Variants in SLC12A7 observed in about 807,000 individuals in gnomAD.
SLC12A7 encodes K-Cl cotransporter 4.
Under a neutral mutation model 120.6 loss-of-function variants are expected in SLC12A7, and 100 were observed. The observed-to-expected ratio is 0.83, with a 90% CI of 0.71 to 0.98. The LOEUF is 0.98. Ranked by LOEUF, SLC12A7 falls within the 50% of genes least tolerant of loss-of-function variation. SLC12A7 has a pLI of 0.00. For missense variants in SLC12A7, 1,373 were observed against 1,548.1 expected (o/e 0.89, Z 1.90); for synonymous variants, 760 against 678.0 (o/e 1.12, Z -1.88).
chr5:1,117,097 G>A, the SLC12A7 span, among the ~76,000 whole-genome samples: 60 of 152,110 alleles, frequency 3.9e-4, no homozygotes, highest in African/African-American at 1.3e-3. This position sits in a 1 kb window ranked among gnomAD's most constrained non-coding sequence, Gnocchi z 4.5. Context: ...TCAGAGCCGC[G>A]GAGGGTCCTG....
chr5:1,155,158 G>A, the SLC12A7 span, among the ~76,000 whole-genome samples: 1 of 151,398 alleles, frequency 6.6e-6, no homozygotes, highest in Non-Finnish European at 1.5e-5. Flanking sequence ...GTGGTCAGGA[G>A]GACACGGTTC....
chr5:1,079,660 G>T (rs1020858193), intron 9 of SLC12A7, among the ~76,000 whole-genome samples, 164 bp from the exon 10 acceptor site: 1 of 152,174 alleles, frequency 6.6e-6, no homozygotes, highest in African/African-American at 2.4e-5. Context: ...GCAATACTGC[G>T]GCTGAGGGGA....
chr5:1,052,418 A>T lies in SLC12A7; in HGVS notation c.3194T>A (p.Leu1065Gln). The change falls in exon 24 of 24, where the codon CTG (leucine) becomes CAG (glutamine). Residue 1065 changes from leucine (L) to glutamine (Q), a missense_variant. Physicochemically the swap from Leu to Gln is moderately radical, Grantham distance 113. Transcript: ENST00000264930. ...ACCCCTGACCAGGAGGACTCTGTTC[A>T]GCCCCTCGGTCAGGACTTCAAGAAA... Reference protein sequence around the residue: ...MEFLEVLTEGLNRVLLVRGGG... With the variant: ...MEFLEVLTEGQNRVLLVRGGG... 1 of 1,612,946 alleles carries T rather than the reference A, an allele frequency of 6.2e-7. No homozygotes were observed. Among genetic ancestry groups the T allele is most frequent in the Non-Finnish European group, 8.5e-7 (1 of 1,179,986 alleles).
chr5:1,133,960 A>T, the SLC12A7 span, among the ~76,000 whole-genome samples: 1 of 152,102 alleles, frequency 6.6e-6, no homozygotes, highest in Non-Finnish European at 1.5e-5. Flanking sequence ...TCCAGCACGT[A>T]CACCATGGAG....
intron 1 of SLC12A7, among the ~76,000 whole-genome samples, chr5:1,111,574 C>A (rs1404736756): frequency 6.6e-6 from 1 of 152,192 alleles, no homozygotes; most frequent in Non-Finnish European, 1.5e-5. Flanking sequence ...CCTCCGGAGG[C>A]GCGCTCCAGC....
At chr5:1,078,221 G>A (rs1738592775) in intron 11 of SLC12A7, among the ~76,000 whole-genome samples, 1 of 152,156 alleles carries the variant, frequency 6.6e-6, no homozygotes, top group South Asian at 2.1e-4. Context: ...GGGGGAGGGG[G>A]TCCTGCTCAC....
chr5:1,063,953 C>A lies in SLC12A7; in HGVS notation c.2630G>T (p.Arg877Leu). The A allele has an allele frequency of 6.2e-7, 1 of 1,612,560 alleles. No individual in the cohort carries two copies. The highest frequency in any genetic ancestry group is 1.3e-5 in the African/African-American group (1 of 74,950). Residue 877 changes from arginine to leucine, a missense_variant, in exon 20 of 24, where the codon CGT (arginine) becomes CTT (leucine). Physicochemically the swap from Arg to Leu is moderately radical, Grantham distance 102 (BLOSUM62 -2). Coordinates refer to ENST00000264930, the MANE Select transcript of SLC12A7 (RefSeq NM_006598.3). The stretch of plus-strand genomic sequence containing the variant: ...GTCCACCTGGGCCACGGTGAAGATA[C>A]GCATCCGGCACTTCCTCCACACCTG... Reference protein sequence around the residue: ...QHKVWRKCRMRIFTVAQVDDN... With the variant: ...QHKVWRKCRMLIFTVAQVDDN...
At chr5:1,078,078 C>A in intron 11 of SLC12A7, 71 bp from the exon 12 acceptor site, 1 of 1,483,840 alleles carries the variant, frequency 6.7e-7, no homozygotes. Context: ...TGTCTTCTCC[C>A]ACCCAGAGCG....
the SLC12A7 span, among the ~76,000 whole-genome samples, chr5:1,137,845 C>G: frequency 6.6e-6 from 1 of 152,220 alleles, no homozygotes; most frequent in Non-Finnish European, 1.5e-5. Flanking sequence ...GGCACCAGCT[C>G]CCCGGGGCCT....
At chr5:1,078,784 G>C (rs1561065880) in intron 10 of SLC12A7, 26 bp from the exon 11 acceptor site, 7 of 1,546,706 alleles carry the variant, frequency 4.5e-6, no homozygotes, top group Non-Finnish European at 6.2e-6. Flanking sequence ...AGGAAAGGCA[G>C]GTCCGTGGGT....
At position 1,073,740 on chromosome 5, in the gene SLC12A7, G is replaced by A; in HGVS notation, c.2134C>T (p.Leu712=). ...AEQAVKHPRL[L]SFTSQLKAGK... is the part of the protein sequence containing the mutation. ...GCCTTCAGCTGCGACGTGAAGGACA[G>A]CAGGCGGGGGTGCTTCACGGCCTGC... The change falls in exon 17 of 24, where the codon CTG becomes TTG. Residue 712 remains leucine (L), a synonymous_variant. Coordinates refer to ENST00000264930, the MANE Select transcript of SLC12A7 (RefSeq NM_006598.3). 1 of 1,568,386 alleles carries A rather than the reference G, an allele frequency of 6.4e-7. No individual in the cohort carries two copies. Among genetic ancestry groups the A allele is most frequent in the Non-Finnish European group, 8.7e-7 (1 of 1,154,882 alleles).
intron 23 of SLC12A7, among the ~76,000 whole-genome samples, chr5:1,053,019 C>T (rs1435606790): frequency 6.6e-6 from 1 of 152,216 alleles, no homozygotes; most frequent in Non-Finnish European, 1.5e-5. Flanking sequence ...GGCTGAGCCC[C>T]AGCGGAGGTC....
chr5:1,094,488 T>C (rs1196231309), intron 1 of SLC12A7, among the ~76,000 whole-genome samples: 2 of 152,148 alleles, frequency 1.3e-5, no homozygotes, highest in African/African-American at 4.8e-5. Context: ...ATGCGCAAGC[T>C]ATCCCCAGAA....
chr5:1,083,579 G>T (rs1739460358), intron 8 of SLC12A7, among the ~76,000 whole-genome samples, 166 bp downstream of exon 8: 1 of 152,230 alleles, frequency 6.6e-6, no homozygotes, highest in Non-Finnish European at 1.5e-5. Context: ...TCTGCCAGGG[G>T]TGTGTACAGG....
intron 21 of SLC12A7, among the ~76,000 whole-genome samples, chr5:1,059,880 G>A (rs1355544868): frequency 6.6e-6 from 1 of 152,082 alleles, no homozygotes; most frequent in East Asian, 1.9e-4. Context: ...GCGGGGAAGG[G>A]CACTGAGGGG....
chr5:1,077,784 C>T (rs766220591), intron 12 of SLC12A7, 49 bp downstream of exon 12: 173 of 1,503,218 alleles, frequency 1.2e-4, no homozygotes, highest in Non-Finnish European at 1.5e-4. Context: ...GGAGGAGAGC[C>T]CCCGACCCTG....
At chr5:1,131,203 G>A in the SLC12A7 span, among the ~76,000 whole-genome samples, 2 of 152,150 alleles carry the variant, frequency 1.3e-5, no homozygotes, top group Non-Finnish European at 2.9e-5. Context: ...GGACACGCTC[G>A]GACTCACGGG....
At chr5:1,055,147 T>C (rs1315289713) in intron 22 of SLC12A7, among the ~76,000 whole-genome samples, 1 of 151,636 alleles carries the variant, frequency 6.6e-6, no homozygotes, top group Non-Finnish European at 1.5e-5. Flanking sequence ...CACACACACA[T>C]ACATGCAGAC....
At chr5:1,088,206 C>T in intron 5 of SLC12A7, 100 bp downstream of exon 5, 1 of 1,257,806 alleles carries the variant, frequency 8.0e-7, no homozygotes, top group Non-Finnish European at 1.1e-6. Context: ...CAGGCAGCCC[C>T]CGGCCCGGCC....
Sources: allele counts gnomAD v4.1 joint callset (sites outside exome capture counted in the v4.1 genomes callset), GRCh38; gene constraint gnomAD v4.1.1; non-coding constraint Gnocchi (gnomAD v3.1); transcripts MANE v1.5; gene names NCBI Gene and HGNC (gene_info 2026-07-23, HGNC 2026-07-21).